Variants in CR1 observed in about 807,000 individuals in gnomAD.
The protein encoded by CR1 is complement receptor type 1.
CR1 carries 116 observed loss-of-function variants against 187.3 expected under a neutral mutation model. The observed-to-expected ratio is 0.62, with a 90% CI of 0.53 to 0.72. CR1 has a LOEUF of 0.72. Among genes scored for constraint, CR1 ranks in the 30% least tolerant of loss-of-function variants. The pLI is 0.00. For missense variants in CR1, 1,731 were observed against 2,110.7 expected (o/e 0.82, Z 3.52); for synonymous variants, 576 against 747.1 (o/e 0.77, Z 3.73).
chr1:207,564,827 A>G (rs1660443001), intron 23 of CR1, among the ~76,000 whole-genome samples: 2 of 150,124 alleles, frequency 1.3e-5, no homozygotes, highest in African/African-American at 5.1e-5. Context: ...TTACAAGCAA[A>G]AGGGAATATG....
chr1:207,497,614 T>C (rs1659129485), intron 1 of CR1, among the ~76,000 whole-genome samples: 1 of 152,248 alleles, frequency 6.6e-6, no homozygotes, highest in South Asian at 2.1e-4. Flanking sequence ...AGAGATGTGA[T>C]AAAACGTACA....
intron 2 of CR1, 102 bp from the exon 3 acceptor site, chr1:207,506,612 C>G: frequency 1.1e-6 from 1 of 912,574 alleles, no homozygotes; most frequent in East Asian, 2.5e-5. Flanking sequence ...ATCAGAACTG[C>G]GTGTGTTCCT....
intron 35 of CR1, chr1:207,598,852 A>G (rs769335984): frequency 6.6e-6 from 1 of 152,234 alleles, no homozygotes; most frequent in Non-Finnish European, 1.5e-5. Flanking sequence ...TTACCTAAAG[A>G]ACTGTCTCCC....
chr1:207,610,707 C>T lies in CR1; in HGVS notation c.6296-970C>T, dbSNP rs115815408. On this transcript the variant is annotated intron_variant, in intron 37 of 46. Transcript: ENST00000367049. ...GGCAGCCAACATTTCGGTTAAAATA[C>T]GGTCTAAGCAATATGTTCTATCACT... Among the ~76,000 whole-genome samples, 493 of 152,224 alleles carry T rather than the reference C, an allele frequency of 3.2e-3. 3 individuals are homozygous for T. The highest frequency in any genetic ancestry group is 9.4e-3 in the African/African-American group (391 of 41,526).
Position 207,526,857 on chromosome 1 carries a change from G to A in CR1, c.991G>A (p.Asp331Asn), listed in dbSNP as rs778957597. 8.7e-6 allele frequency: 13 copies of A among 1,496,348 alleles called. 2 individuals carry two copies. The highest frequency in any genetic ancestry group is 2.6e-5 in the South Asian group (2 of 77,578). The allele number at this position is 1,496,348 out of a possible 1,614,324, so 92.7% of individuals were successfully genotyped here. A position where few individuals can be genotyped will look rare whatever the true frequency, so the allele number is the denominator to read the frequency against. ...EVFYSCEPGY[D>N]LRGAASMRCT... ...GTTCTACAGCTGTGAGCCCGGCTAC[G>A]ACCTCAGAGGGGCTGCGTCTATGCG... Residue 331 changes from aspartate (D) to asparagine (N), a missense_variant, in exon 6 of 47, where the codon GAC becomes AAC. Coordinates refer to ENST00000367049, the MANE Select transcript of CR1 (RefSeq NM_000651.6).
chr1:207,628,480 CA>C (rs1224406236), intron 45 of CR1, among the ~76,000 whole-genome samples: 1 of 152,198 alleles, frequency 6.6e-6, no homozygotes, highest in Non-Finnish European at 1.5e-5. Flanking sequence ...CTTTGGTCCT[CA>C]AAGCAACTCT....
chr1:207,611,346 A>G (rs1199240407), intron 37 of CR1, among the ~76,000 whole-genome samples: 2 of 152,218 alleles, frequency 1.3e-5, no homozygotes, highest in Non-Finnish European at 2.9e-5. Flanking sequence ...CTCTGTAGGA[A>G]GTGGAAGAGT....
At chr1:207,621,190 G>A (rs1662304629) in intron 43 of CR1, among the ~76,000 whole-genome samples, 2 of 151,944 alleles carry the variant, frequency 1.3e-5, no homozygotes, top group Non-Finnish European at 2.9e-5. Flanking sequence ...CAGGAGAGTC[G>A]CTTGAACACG....
intron 35 of CR1, among the ~76,000 whole-genome samples, chr1:207,604,261 T>C (rs1291191909): frequency 2.6e-5 from 4 of 152,224 alleles, no homozygotes; most frequent in South Asian, 2.1e-4. Flanking sequence ...CTTTTTATAA[T>C]TGATGTATAA....
intron 1 of CR1, among the ~76,000 whole-genome samples, chr1:207,497,924 C>T (rs4844597): frequency 0.86 from 131,017 of 152,286 alleles, 56,858 homozygotes; most frequent in African/African-American, 0.96. Context: ...CCAGTGTGCA[C>T]GGTCCTTTGG....
chr1:207,572,962 C>A (rs1660623776), intron 27 of CR1, among the ~76,000 whole-genome samples: 1 of 152,022 alleles, frequency 6.6e-6, no homozygotes. Flanking sequence ...ATAAGGACAC[C>A]AGTCACACTG....
At chr1:207,520,456 T>C (rs912750871) in intron 4 of CR1, among the ~76,000 whole-genome samples, 1 of 152,226 alleles carries the variant, frequency 6.6e-6, no homozygotes, top group African/African-American at 2.4e-5. Flanking sequence ...GGCTTGTAGA[T>C]GCAAGATGCT....
chr1:207,598,130 T>G (rs1338711244), intron 35 of CR1, among the ~76,000 whole-genome samples: 1 of 152,164 alleles, frequency 6.6e-6, no homozygotes, highest in Non-Finnish European at 1.5e-5. Flanking sequence ...AGTTTCTCAT[T>G]GGGATGGTGA....
chr1:207,573,909 A>G (rs929454451), intron 27 of CR1, among the ~76,000 whole-genome samples: 1 of 152,212 alleles, frequency 6.6e-6, no homozygotes, highest in Non-Finnish European at 1.5e-5. Context: ...AGGCAAGAGT[A>G]TCACTTGAGC....
intron 41 of CR1, among the ~76,000 whole-genome samples, chr1:207,617,648 G>T: frequency 1.2e-5 from 1 of 84,244 alleles, no homozygotes; most frequent in Non-Finnish European, 2.8e-5. Flanking sequence ...GAGAGAGAGA[G>T]AGAGAGAGAG....
intron 35 of CR1, among the ~76,000 whole-genome samples, chr1:207,590,802 G>T (rs992747155): frequency 6.6e-6 from 1 of 152,052 alleles, no homozygotes; most frequent in Admixed American, 6.6e-5. Context: ...TAAAAGCAGG[G>T]GTTACAGTCC....
intron 4 of CR1, among the ~76,000 whole-genome samples, chr1:207,511,925 G>A (rs1035122021): frequency 1.3e-5 from 2 of 152,018 alleles, no homozygotes; most frequent in African/African-American, 4.8e-5. Context: ...AAATTATGTT[G>A]TTTCTACCAC....
At chr1:207,507,932 A>G (rs1285496969) in intron 3 of CR1, among the ~76,000 whole-genome samples, 5 of 152,236 alleles carry the variant, frequency 3.3e-5, no homozygotes, top group Non-Finnish European at 5.9e-5. Flanking sequence ...TCCATACAAT[A>G]GAATATTATT....
At chr1:207,600,029 T>G (rs551056007) in intron 35 of CR1, among the ~76,000 whole-genome samples, 1 of 152,282 alleles carries the variant, frequency 6.6e-6, no homozygotes, top group Non-Finnish European at 1.5e-5. Flanking sequence ...ATAGCAAAAT[T>G]TTCAATTTTG....
Sources: gnomAD v4.1 joint callset for allele counts (sites outside exome capture counted in the v4.1 genomes callset) on GRCh38, gnomAD v4.1.1 for gene constraint, MANE v1.5 for transcripts, NCBI Gene and HGNC (gene_info 2026-07-23, HGNC 2026-07-21) for gene names.